Variants in MAB21L3 observed in about 807,000 individuals in gnomAD.
MAB21L3 encodes the protein protein mab-21-like 3.
MAB21L3 carries 36 observed loss-of-function variants against 37.7 expected under a neutral mutation model. The observed-to-expected ratio is 0.96, with a 90% CI of 0.73 to 1.26. The LOEUF (loss-of-function observed/expected upper bound fraction) is 1.26. MAB21L3 is among the 50% of genes most tolerant of loss of function. The probability of loss-of-function intolerance (pLI) is 0.00; values close to 1 mark genes in which losing one functional copy is unlikely to be tolerated. For missense variants in MAB21L3, 430 were observed against 447.3 expected (o/e 0.96, Z 0.35); for synonymous variants, 186 against 176.8 (o/e 1.05, Z -0.41).
chr1:116,121,475 G>A (rs1160150479), intron 4 of MAB21L3, among the ~76,000 whole-genome samples: 1 of 152,152 alleles, frequency 6.6e-6, no homozygotes. Context: ...AGGCACTAAA[G>A]CCAGAACTCA....
rs1196524545 is a variant in MAB21L3 at position 116,135,665 on chromosome 1, G to C, written c.*2300G>C. On this transcript the variant is annotated 3_prime_UTR_variant, in exon 8 of 8. Transcript: ENST00000369500. ...CATCCTGATACCAAAGCCGGGCAGAGACACAACTAAAAAAGAGAATTTTAG... is the reference window on the plus strand; with the variant it reads ...CATCCTGATACCAAAGCCGGGCAGACACACAACTAAAAAAGAGAATTTTAG... Among the ~76,000 whole-genome samples, 2 of 152,212 alleles carry C rather than the reference G, an allele frequency of 1.3e-5. No individual in the cohort carries two copies. Among genetic ancestry groups the C allele is most frequent in the Non-Finnish European group, 2.9e-5 (2 of 68,044 alleles).
Position 116,127,568 on chromosome 1 carries a change from C to T in MAB21L3, c.584C>T (p.Thr195Ile), listed in dbSNP as rs1659944756. 1 of 1,614,196 alleles carries T rather than the reference C, an allele frequency of 6.2e-7. No homozygotes were observed. Among genetic ancestry groups the T allele is most frequent in the Non-Finnish European group, 8.5e-7 (1 of 1,180,038 alleles). Residue 195 changes from threonine to isoleucine, a missense_variant, in exon 6 of 8, where the codon ACC becomes ATC. By Grantham distance (89) the Thr-to-Ile change is moderately conservative. Transcript: ENST00000369500. ...CTGGTCCCCGCAGTGGAGATCCCCACCACCTGGTCCAAGAAAGCCCGGTGG... is the reference window on the plus strand; with the variant it reads ...CTGGTCCCCGCAGTGGAGATCCCCATCACCTGGTCCAAGAAAGCCCGGTGG... ...LELVPAVEIP[T>I]TWSKKARWPR...
chr1:116,124,870 T>TACAC (rs148469511), intron 5 of MAB21L3, among the ~76,000 whole-genome samples: 1,977 of 140,344 alleles, frequency 0.014, 52 homozygotes, highest in African/African-American at 0.053. Flanking sequence ...AGCATATGCA[T>TACAC]ACACACACAC....
chr1:116,128,952 C>A (rs1459041717), intron 7 of MAB21L3, among the ~76,000 whole-genome samples: 1 of 152,222 alleles, frequency 6.6e-6, no homozygotes, highest in Non-Finnish European at 1.5e-5. Flanking sequence ...AGTACACATT[C>A]ATTCATGCCT....
At chr1:116,124,464 A>C in intron 5 of MAB21L3, 107 bp downstream of exon 5, 1 of 1,004,154 alleles carries the variant, frequency 1.0e-6, no homozygotes, top group East Asian at 2.5e-5. Flanking sequence ...CATTTGAGAA[A>C]ATAATCATGT....
chr1:116,128,915 C>T (rs922966733), intron 7 of MAB21L3, among the ~76,000 whole-genome samples: 1 of 152,216 alleles, frequency 6.6e-6, no homozygotes, highest in Admixed American at 6.5e-5. Flanking sequence ...TCTGCCAGCC[C>T]CTGCCTCTCC....
intron 5 of MAB21L3, among the ~76,000 whole-genome samples, chr1:116,126,888 G>T (rs1429716066): frequency 6.6e-6 from 1 of 152,128 alleles, no homozygotes; most frequent in Admixed American, 6.5e-5. Context: ...ACCATTCAAT[G>T]AATTCCATGA....
Position 116,127,534 on chromosome 1 carries a change from GA to G in MAB21L3, c.552del (p.Glu184AspfsTer53). On this transcript the variant is annotated frameshift_variant, in exon 6 of 8. Coordinates refer to ENST00000369500, the MANE Select transcript of MAB21L3 (RefSeq NM_152367.3). LOFTEE classifies it high-confidence loss of function. ...TGTGGAAACATCTGCATATCAGGTG[GA>G]ACTGGAGCTGGTCCCCGCAGTGGAG... ...VAVETSAYQV[E>X]LELVPAVEIP... 6.2e-7 allele frequency: 1 copy of G among 1,614,190 alleles called. No individual in the cohort carries two copies. The highest frequency in any genetic ancestry group is 8.5e-7 in the Non-Finnish European group (1 of 1,180,034).
rs1013853460 is a variant in MAB21L3, at chr1:116,120,523, ATATAT to A, written c.49-404_49-400del. Among the ~76,000 whole-genome samples, 8 of 150,780 alleles carry A rather than the reference ATATAT, an allele frequency of 5.3e-5. No individual in the cohort carries two copies. The South Asian group carries it at 1.0e-3, about 20-fold the overall frequency. Reference sequence around the variant, plus strand: ...TGTGTATAATATCAGATATGACACTATATATTATAATATTGATATTATACATTACA... The same window carrying A: ...TGTGTATAATATCAGATATGACACTATATAATATTGATATTATACATTACA... On this transcript the variant is annotated intron_variant, in intron 3 of 7. Coordinates refer to ENST00000369500, the MANE Select transcript of MAB21L3 (RefSeq NM_152367.3).
At chr1:116,127,711 C>T (rs1557933164) in intron 6 of MAB21L3, 67 bp downstream of exon 6, 1 of 1,469,268 alleles carries the variant, frequency 6.8e-7, no homozygotes, top group Non-Finnish European at 9.1e-7. Context: ...CACAGCATTA[C>T]TGACTGCCAA....
chr1:116,131,618 C>T lies in MAB21L3; in HGVS notation c.856-1514C>T, dbSNP rs545755237. Among the ~76,000 whole-genome samples, 268 of 152,220 alleles carry T rather than the reference C, an allele frequency of 1.8e-3. 1 individual carries two copies. Among genetic ancestry groups the T allele is most frequent in the African/African-American group, 6.1e-3 (253 of 41,528 alleles). On this transcript the variant is annotated intron_variant, in intron 7 of 7. Transcript: ENST00000369500. ...CAAGCTCCACCTTCTGGGTTCACGC[C>T]ATTCTCCTGCCTTAGCCTCCCAAGT...
chr1:116,112,833 T>C (rs961586722), intron 3 of MAB21L3, among the ~76,000 whole-genome samples, 170 bp downstream of exon 3: 1 of 152,262 alleles, frequency 6.6e-6, no homozygotes, highest in Non-Finnish European at 1.5e-5. Context: ...ATATCAGCCT[T>C]ACTTCTCTTT....
rs373155604 is a variant in MAB21L3, at chr1:116,127,489, C to T, written c.505C>T (p.Arg169Cys). ...LSGKVSLLGN[R>C]SAVWVAVETS... ...AGGTAAGGTCAGCCTGCTAGGAAAC[C>T]GCTCTGCAGTTTGGGTTGCTGTGGA... is the stretch of plus-strand genomic sequence containing the variant. The change falls in exon 6 of 8, where the codon CGC becomes TGC. Residue 169 changes from arginine (R) to cysteine (C), a missense_variant. Coordinates refer to ENST00000369500, the MANE Select transcript of MAB21L3 (RefSeq NM_152367.3). 6.2e-5 allele frequency: 100 copies of T among 1,613,952 alleles called. No individual in the cohort carries two copies. In the East Asian group the frequency reaches 6.7e-4, roughly 11 times the overall value.
intron 3 of MAB21L3, among the ~76,000 whole-genome samples, chr1:116,113,709 T>C (rs1659493045): frequency 6.6e-6 from 1 of 152,202 alleles, no homozygotes; most frequent in African/African-American, 2.4e-5. Flanking sequence ...TCAAAATAGA[T>C]TTTGCATAGA....
intron 3 of MAB21L3, among the ~76,000 whole-genome samples, chr1:116,118,507 C>T (rs1176712811): frequency 6.6e-6 from 1 of 152,164 alleles, no homozygotes. Context: ...AGTGTTCCCC[C>T]AATGCAGCAA....
rs1660191692 is a variant in MAB21L3, at chr1:116,136,006, C to T, written c.*2641C>T. 1.3e-5 allele frequency among the ~76,000 whole-genome samples: 2 copies of T among 150,710 alleles called. No homozygotes were observed. The highest frequency in any genetic ancestry group is 1.3e-4 in the Admixed American group (2 of 15,166). On this transcript the variant is annotated 3_prime_UTR_variant, in exon 8 of 8. Transcript: ENST00000369500. The stretch of plus-strand genomic sequence containing the variant: ...AATAATAAGAGCTATCTATGACAAA[C>T]CCACAGGCAATATCATACTGAATGG...
At chr1:116,122,444 A>G (rs1375191270) in intron 4 of MAB21L3, among the ~76,000 whole-genome samples, 2 of 152,364 alleles carry the variant, frequency 1.3e-5, no homozygotes, top group East Asian at 3.8e-4. Context: ...AGCTTAAAAT[A>G]TATCTTGCAT....
intron 4 of MAB21L3, among the ~76,000 whole-genome samples, chr1:116,123,342 T>C (rs1200876447): frequency 6.6e-6 from 1 of 152,182 alleles, no homozygotes; most frequent in East Asian, 1.9e-4. Flanking sequence ...CAAATAAGCT[T>C]TCATTTTGCC....
rs1017152301 is a variant in MAB21L3, at chr1:116,135,958, G to C, written c.*2593G>C. ...CATGCTAAAAACTCTCAATAAATTA[G>C]GTATTGATGGGACGTATTTCAAAAT... On this transcript the variant is annotated 3_prime_UTR_variant, in exon 8 of 8. Coordinates refer to ENST00000369500, the MANE Select transcript of MAB21L3 (RefSeq NM_152367.3). 2.6e-5 allele frequency among the ~76,000 whole-genome samples: 4 copies of C among 151,040 alleles called. No homozygotes were observed. The highest frequency in any genetic ancestry group is 9.8e-5 in the African/African-American group (4 of 40,664).
Sources: gnomAD v4.1 joint callset for allele counts (sites outside exome capture counted in the v4.1 genomes callset) on GRCh38, gnomAD v4.1.1 for gene constraint, MANE v1.5 for transcripts, NCBI Gene and HGNC (gene_info 2026-07-23, HGNC 2026-07-21) for gene names.